The following SLC66A2 variants were observed in gnomAD, a reference collection of about 807,000 sequenced individuals.
The protein encoded by SLC66A2 is solute carrier family 66 member 2, also known as PQ loop repeat containing 1.
Under a neutral mutation model 25.5 loss-of-function variants are expected in SLC66A2, and 23 were observed. That is an observed-to-expected ratio of 0.90 (90% confidence interval 0.65 to 1.28). The LOEUF (loss-of-function observed/expected upper bound fraction) is 1.28. Among genes scored for constraint, SLC66A2 ranks in the 50% most tolerant of loss-of-function variants. SLC66A2 has a pLI of 0.00. For synonymous variants in SLC66A2, 193 were observed against 166.5 expected, an observed-to-expected ratio of 1.16 and a Z score of -1.23; for missense variants, 396 against 373.1, an observed-to-expected ratio of 1.06 and a Z score of -0.51.
Position 79,932,489 on chromosome 18 carries a change from A to G in SLC66A2, c.391+1480T>C, listed in dbSNP as rs116116049. Among the ~76,000 whole-genome samples the G allele has an allele frequency of 5.7e-3, 866 of 152,156 alleles. 11 individuals are homozygous for G. Among genetic ancestry groups the G allele is most frequent in the African/African-American group, 0.02 (825 of 41,546 alleles). On this transcript the variant is annotated intron_variant, in intron 4 of 5. Coordinates refer to ENST00000397778, the MANE Select transcript of SLC66A2 (RefSeq NM_025078.5). ...GTTGTGTTAAAAAAAGAAAGAAAGA[A>G]AGAAAGAAAAGAAAAAGAAACACCT...
At chr18:79,906,040 T>G (rs1982081236) in intron 5 of SLC66A2, among the ~76,000 whole-genome samples, 1 of 152,226 alleles carries the variant, frequency 6.6e-6, no homozygotes, top group African/African-American at 2.4e-5. Flanking sequence ...TTTATCCAAA[T>G]TTTCAAATGT....
intron 5 of SLC66A2, among the ~76,000 whole-genome samples, chr18:79,912,094 A>G (rs1352914258): frequency 0.02 from 282 of 14,102 alleles, 1 homozygote; most frequent in African/African-American, 0.036. Flanking sequence ...CAAGAGCAGG[A>G]AGGGGACAGG....
intron 3 of SLC66A2, among the ~76,000 whole-genome samples, chr18:79,936,167 C>T (rs778998661): frequency 2.6e-5 from 4 of 152,300 alleles, no homozygotes; most frequent in Middle Eastern, 3.4e-3. Flanking sequence ...CCTGTCGGTA[C>T]GGCGTGTATG....
chr18:79,947,004 T>C (rs1599666842), intron 2 of SLC66A2, among the ~76,000 whole-genome samples: 1 of 152,106 alleles, frequency 6.6e-6, no homozygotes, highest in African/African-American at 2.4e-5. Context: ...CTTTGTAGCT[T>C]TGTATCTACT....
chr18:79,934,145 ACCAG>A, intron 3 of SLC66A2, 123 bp from the exon 4 acceptor site: 7 of 776,650 alleles, frequency 9.0e-6, no homozygotes, highest in African/African-American at 1.8e-5. Flanking sequence ...AAAAAAACAA[ACCAG>A]AATAGAAAGA....
At chr18:79,936,807 C>T (rs1196627993) in intron 3 of SLC66A2, among the ~76,000 whole-genome samples, 2 of 152,218 alleles carry the variant, frequency 1.3e-5, no homozygotes, top group Admixed American at 6.5e-5. Flanking sequence ...ACCTGACCTC[C>T]GTTCCCAGCG....
chr18:79,930,869 A>G (rs1351406450), intron 4 of SLC66A2, among the ~76,000 whole-genome samples: 1 of 152,232 alleles, frequency 6.6e-6, no homozygotes, highest in Non-Finnish European at 1.5e-5. Context: ...TAAAGGAACA[A>G]TCAGAAAAAT....
intron 3 of SLC66A2, among the ~76,000 whole-genome samples, chr18:79,936,151 C>T (rs1216183519): frequency 5.3e-5 from 8 of 152,216 alleles, no homozygotes; most frequent in African/African-American, 1.9e-4. Context: ...AAGGTTTGCA[C>T]TGTACCCTGT....
intron 2 of SLC66A2, among the ~76,000 whole-genome samples, chr18:79,948,938 T>G (rs1337853839): frequency 1.3e-5 from 2 of 152,144 alleles, no homozygotes; most frequent in African/African-American, 4.8e-5. Context: ...TTACGCTCAC[T>G]GAGGCCACTG....
At chr18:79,913,039 G>A (rs1205271148) in intron 5 of SLC66A2, among the ~76,000 whole-genome samples, 1 of 152,218 alleles carries the variant, frequency 6.6e-6, no homozygotes. Flanking sequence ...TAAGAGCTCG[G>A]CTTCTGGATC....
In SLC66A2 at chr18:79,930,385, C is replaced by CA. The variant is rs971250034; in HGVS notation, c.391+3583dup. 20 of 152,042 alleles carry CA rather than the reference C, an allele frequency of 1.3e-4. No individual in the cohort carries two copies. The South Asian group carries it at 4.2e-3, about 32-fold the overall frequency. The allele number at this position is 152,042 out of a possible 1,614,324, so 9.4% of individuals were successfully genotyped here. ...CTTTTTTTAAAAAATAAGGGGAAAACAAAGATTCCCAGATAAACAAGAACT... is the reference window on the plus strand; with the variant it reads ...CTTTTTTTAAAAAATAAGGGGAAAACAAAAGATTCCCAGATAAACAAGAACT... On this transcript the variant is annotated intron_variant, in intron 4 of 5. Transcript: ENST00000397778.
At chr18:79,930,629 T>C (rs1986475917) in intron 4 of SLC66A2, among the ~76,000 whole-genome samples, 1 of 152,210 alleles carries the variant, frequency 6.6e-6, no homozygotes, top group African/African-American at 2.4e-5. Context: ...ATTGTATTGT[T>C]TGGGGGCCTT....
intron 5 of SLC66A2, among the ~76,000 whole-genome samples, chr18:79,914,159 C>T (rs1568298861): frequency 6.6e-6 from 1 of 152,236 alleles, no homozygotes; most frequent in Non-Finnish European, 1.5e-5. Flanking sequence ...CTGCCCTGGC[C>T]TCCCAAAGTG....
intron 2 of SLC66A2, among the ~76,000 whole-genome samples, chr18:79,948,955 C>T (rs559849322): frequency 6.6e-6 from 1 of 152,270 alleles, no homozygotes; most frequent in African/African-American, 2.4e-5. Context: ...ACTGCAGCAC[C>T]GCCAGCCACG....
chr18:79,951,095 A>C (rs891399290), intron 1 of SLC66A2, 70 bp from the exon 2 acceptor site: 1 of 367,348 alleles, frequency 2.7e-6, no homozygotes, highest in Non-Finnish European at 4.6e-6. Flanking sequence ...ACCCGACCCG[A>C]CCCGCGCCAG....
intron 5 of SLC66A2, among the ~76,000 whole-genome samples, chr18:79,916,295 T>C (rs1441044444): frequency 3.0e-4 from 40 of 133,662 alleles, no homozygotes; most frequent in African/African-American, 1.2e-3. Context: ...CCCGTACCCG[T>C]GGTGCTCCCG....
At chr18:79,905,014 G>T (rs1381238496) in intron 5 of SLC66A2, among the ~76,000 whole-genome samples, 1 of 152,176 alleles carries the variant, frequency 6.6e-6, no homozygotes, top group Non-Finnish European at 1.5e-5. Flanking sequence ...CCTGGGTGCC[G>T]TAGCCGCCCT....
intron 3 of SLC66A2, among the ~76,000 whole-genome samples, chr18:79,942,631 G>T (rs1420427374): frequency 1.3e-5 from 2 of 152,176 alleles, no homozygotes; most frequent in South Asian, 2.1e-4. Flanking sequence ...GTAATTAGAA[G>T]AAAAACAAAA....
intron 4 of SLC66A2, among the ~76,000 whole-genome samples, chr18:79,931,956 G>A (rs1238363179): frequency 6.6e-6 from 1 of 152,186 alleles, no homozygotes; most frequent in Non-Finnish European, 1.5e-5. Context: ...GGCAGAGGTT[G>A]CAGTGAGCCA....
Sources: gnomAD v4.1 joint callset for allele counts (sites outside exome capture counted in the v4.1 genomes callset) on GRCh38, gnomAD v4.1.1 for gene constraint, MANE v1.5 for transcripts, NCBI Gene and HGNC (gene_info 2026-07-23, HGNC 2026-07-21) for gene names.